The following RAD51AP2 variants were observed in gnomAD, a reference collection of about 807,000 sequenced individuals.
The protein encoded by RAD51AP2 is RAD51 associated protein 2, also known as RAD51-associated protein 2.
In RAD51AP2, 67 loss-of-function variants were observed where a neutral mutation model predicts 85.5. The ratio of observed to expected loss-of-function variants is 0.78; its 90% CI spans 0.64 to 0.96. The LOEUF (loss-of-function observed/expected upper bound fraction) is 0.96, where lower values mean the gene tolerates loss of function less well. Ranked by LOEUF, RAD51AP2 falls within the 40% of genes least tolerant of loss-of-function variation. RAD51AP2 has a pLI of 0.00. For synonymous variants in RAD51AP2, 474 were observed against 446.5 expected (o/e 1.06, Z -0.78); for missense variants, 1,307 against 1,332.4 (o/e 0.98, Z 0.30).
At chr2:17,528,296 AGT>A in the RAD51AP2 span, among the ~76,000 whole-genome samples, 1 of 152,188 alleles carries the variant, frequency 6.6e-6, no homozygotes, top group Non-Finnish European at 1.5e-5. Flanking sequence ...TAATATGGTA[AGT>A]GTTTATTTTG....
Position 17,516,203 on chromosome 2 carries a change from C to A in RAD51AP2, c.2213G>T (p.Cys738Phe). Residue 738 changes from cysteine to phenylalanine, a missense_variant, in exon 1 of 3, where the codon TGT (cysteine) becomes TTT (phenylalanine). Around this residue, in one of 3 missense-constraint regions of RAD51AP2, gnomAD observed 668 missense variants for 671.0 expected, o/e 1.00. Transcript: ENST00000399080. ...SSTVKAHGNS[C>F]PQFIQNNRGY... ...TCGGTTGTTCTGTATAAATTGAGGA[C>A]AAGAATTACCATGTGCTTTAACAGT... 2 of 1,613,204 alleles carry A rather than the reference C, an allele frequency of 1.2e-6. No homozygotes were observed. Among genetic ancestry groups the A allele is most frequent in the South Asian group, 1.1e-5 (1 of 91,036 alleles).
At chr2:17,520,693 A>G (rs1662839071), upstream of RAD51AP2, among the ~76,000 whole-genome samples, 1 of 152,194 alleles carries the variant, frequency 6.6e-6, no homozygotes, top group African/African-American at 2.4e-5. Context: ...TATCAAGTCT[A>G]ATGTCCTTAA....
upstream of RAD51AP2, among the ~76,000 whole-genome samples, chr2:17,522,051 A>G (rs893285570): frequency 9.9e-5 from 15 of 151,996 alleles, no homozygotes; most frequent in South Asian, 2.1e-4. Flanking sequence ...TCATTTTACT[A>G]GTCTCTTCTC....
At position 17,518,005 on chromosome 2, in the gene RAD51AP2, C is replaced by T; in HGVS notation, c.411G>A (p.Leu137=). Reference sequence around the variant, plus strand: ...GCACACTGAAAGCCTCTCTGTCATGCAGGCCTGCCTCAGACCTTCCTGAAG... The same window carrying T: ...GCACACTGAAAGCCTCTCTGTCATGTAGGCCTGCCTCAGACCTTCCTGAAG... The part of the protein sequence containing the change: ...LRASGRSEAG[L]HDREAFSVHR... The change falls in exon 1 of 3, where the codon CTG becomes CTA. Residue 137 remains leucine, a synonymous_variant. Transcript: ENST00000399080. The T allele has an allele frequency of 1.2e-6, 2 of 1,614,164 alleles. No homozygotes were observed. The highest frequency in any genetic ancestry group is 1.7e-6 in the Non-Finnish European group (2 of 1,180,014).
intron 1 of RAD51AP2, 88 bp downstream of exon 1, chr2:17,515,081 T>G: frequency 2.8e-6 from 3 of 1,067,366 alleles, no homozygotes; most frequent in Non-Finnish European, 4.0e-6. Flanking sequence ...CTTCCTTCTT[T>G]GTTGTCAAAA....
At chr2:17,514,455 A>T (rs957621287) in intron 1 of RAD51AP2, among the ~76,000 whole-genome samples, 1 of 151,926 alleles carries the variant, frequency 6.6e-6, no homozygotes, top group Non-Finnish European at 1.5e-5. Flanking sequence ...GGTTGATGAA[A>T]CAGGTGTAGA....
rs1662746546 is a variant in RAD51AP2, at chr2:17,518,001, C to T, written c.415G>A (p.Asp139Asn). 1 of 1,614,084 alleles carries T rather than the reference C, an allele frequency of 6.2e-7. No individual in the cohort carries two copies. The highest frequency in any genetic ancestry group is 8.5e-7 in the Non-Finnish European group (1 of 1,180,048). Residue 139 changes from aspartate to asparagine, a missense_variant, in exon 1 of 3, where the codon GAC becomes AAC. By Grantham distance (23) the Asp-to-Asn change is conservative. Around this residue, in one of 3 missense-constraint regions of RAD51AP2, gnomAD observed 635 missense variants for 643.6 expected, o/e 0.99. Coordinates refer to ENST00000399080, the MANE Select transcript of RAD51AP2 (RefSeq NM_001099218.3). ...CGGTGCACACTGAAAGCCTCTCTGT[C>T]ATGCAGGCCTGCCTCAGACCTTCCT... ...ASGRSEAGLH[D>N]REAFSVHRSN...
upstream of RAD51AP2, among the ~76,000 whole-genome samples, chr2:17,519,663 T>G (rs1662814732): frequency 6.6e-6 from 1 of 152,112 alleles, no homozygotes; most frequent in Admixed American, 6.5e-5. Context: ...TCTAGAGAAA[T>G]GTTTACTTAA....
At position 17,515,577 on chromosome 2, in the gene RAD51AP2, C is replaced by T. The variant is rs1177974569; in HGVS notation, c.2839G>A (p.Ala947Thr). Reference sequence around the variant, plus strand: ...GCTTCTGTTGATAAATATTTAGCAGCTAAGTCCTGAAAACATTCATCATTC... The same window carrying T: ...GCTTCTGTTGATAAATATTTAGCAGTTAAGTCCTGAAAACATTCATCATTC... ...EGNDECFQDLAAKYLSTEALT... is the reference protein window; with the variant it reads ...EGNDECFQDLTAKYLSTEALT... The change falls in exon 1 of 3, where the codon GCT (alanine) becomes ACT (threonine). Residue 947 changes from alanine to threonine, a missense_variant. By Grantham distance (58) the Ala-to-Thr change is moderately conservative. This residue lies in a region of RAD51AP2 where 668 missense variants were observed against 671.0 expected (regional missense o/e 1.00). Coordinates refer to ENST00000399080, the MANE Select transcript of RAD51AP2 (RefSeq NM_001099218.3). The T allele has an allele frequency of 6.2e-7, 1 of 1,609,286 alleles. No homozygotes were observed. Among genetic ancestry groups the T allele is most frequent in the Non-Finnish European group, 8.5e-7 (1 of 1,178,542 alleles).
chr2:17,517,404 T>G lies in RAD51AP2; in HGVS notation c.1012A>C (p.Asn338His). The G allele has an allele frequency of 1.2e-6, 2 of 1,613,808 alleles. No homozygotes were observed. Among genetic ancestry groups the G allele is most frequent in the Non-Finnish European group, 1.7e-6 (2 of 1,179,904 alleles). Residue 338 changes from asparagine to histidine, a missense_variant, in exon 1 of 3, where the codon AAT becomes CAT. By Grantham distance (68) the Asn-to-His change is moderately conservative. Coordinates refer to ENST00000399080, the MANE Select transcript of RAD51AP2 (RefSeq NM_001099218.3). The part of the protein sequence containing the change: ...ENDYPSLSSQ[N>H]TCKRKDLISS... ...ATCAAGTCTTTTCTCTTACAAGTAT[T>G]TTGGCTACTGAGTGATGGGTAGTCA...
At chr2:17,511,215 C>A (rs949247066) in intron 2 of RAD51AP2, among the ~76,000 whole-genome samples, 4 of 152,196 alleles carry the variant, frequency 2.6e-5, no homozygotes, top group Non-Finnish European at 4.4e-5. Context: ...TCCAATCAGG[C>A]AGTCTAACTT....
At position 17,515,356 on chromosome 2, in the gene RAD51AP2, A is replaced by G. The variant is rs1662621919; in HGVS notation, c.3060T>C (p.Val1020=). ...AAGATGCACGTATTTTGTTGACCAC[A>G]ACCATTTTCAAATCTTTTTCTATCT... The part of the protein sequence containing the change: ...KMEIEKDLKM[V]VVNKIRASSS... The change falls in exon 1 of 3, where the codon GTT becomes GTC. Residue 1020 remains valine (V), a synonymous_variant. Transcript: ENST00000399080. 6.2e-7 allele frequency: 1 copy of G among 1,611,860 alleles called. No homozygotes were observed. The highest frequency in any genetic ancestry group is 8.5e-7 in the Non-Finnish European group (1 of 1,179,398).
At chr2:17,513,885 T>C in intron 2 of RAD51AP2, 127 bp downstream of exon 2, 1 of 611,640 alleles carries the variant, frequency 1.6e-6, no homozygotes, top group Non-Finnish European at 2.9e-6. Context: ...ATATTAATGC[T>C]CTTAAAAGGT....
chr2:17,524,668 T>C, the RAD51AP2 span, among the ~76,000 whole-genome samples: 4 of 151,952 alleles, frequency 2.6e-5, no homozygotes, highest in African/African-American at 9.7e-5. Flanking sequence ...TCTCTTACAC[T>C]AAATTATTAG....
At position 17,510,857 on chromosome 2, in the gene RAD51AP2, G is replaced by A; in HGVS notation, c.3427C>T (p.Leu1143Phe). The A allele has an allele frequency of 1.2e-6, 2 of 1,605,928 alleles. No homozygotes were observed. The highest frequency in any genetic ancestry group is 1.7e-6 in the Non-Finnish European group (2 of 1,175,056). The change falls in exon 3 of 3, where the codon CTT becomes TTT. Residue 1143 changes from leucine (L) to phenylalanine (F), a missense_variant. Around this residue, in one of 3 missense-constraint regions of RAD51AP2, gnomAD observed 668 missense variants for 671.0 expected, o/e 1.00. Transcript: ENST00000399080. Reference sequence around the variant, plus strand: ...CACATTTGTTTCAGATAAGGATGAAGTTGTTTAATCCTTGCTTTTCTTGAC... The same window carrying A: ...CACATTTGTTTCAGATAAGGATGAAATTGTTTAATCCTTGCTTTTCTTGAC... ...GLSRKARIKQ[L>F]HPYLKQMCYG... is the part of the protein sequence containing the mutation.
intron 2 of RAD51AP2, among the ~76,000 whole-genome samples, chr2:17,512,799 C>G (rs547671433): frequency 6.6e-6 from 1 of 152,194 alleles, no homozygotes; most frequent in African/African-American, 2.4e-5. Flanking sequence ...TTACTTCCTT[C>G]ATCCCGGGGA....
the RAD51AP2 span, among the ~76,000 whole-genome samples, chr2:17,532,553 G>A: frequency 1.3e-5 from 2 of 151,924 alleles, no homozygotes; most frequent in Non-Finnish European, 2.9e-5. Flanking sequence ...AAATCCAATT[G>A]GTCTAGCGAG....
chr2:17,516,616 A>G lies in RAD51AP2; in HGVS notation c.1800T>C (p.Asp600=). 6.4e-7 allele frequency: 1 copy of G among 1,574,562 alleles called. No individual in the cohort carries two copies. Among genetic ancestry groups the G allele is most frequent in the Non-Finnish European group, 8.6e-7 (1 of 1,164,380 alleles). ...AAATGCATTCCTCTTCTAATTCAAA[A>G]TCATTTTCAATTCTTGTTAAAGAGT... The part of the protein sequence containing the change: ...NFDSLTRIEN[D]FELEEECIFK... Residue 600 remains aspartate (D), a synonymous_variant, in exon 1 of 3, where the codon GAT becomes GAC. Coordinates refer to ENST00000399080, the MANE Select transcript of RAD51AP2 (RefSeq NM_001099218.3).
chr2:17,510,695 C>T lies in RAD51AP2; in HGVS notation c.*109G>A. 1 of 539,956 alleles carries T rather than the reference C, an allele frequency of 1.9e-6. No individual in the cohort carries two copies. The highest frequency in any genetic ancestry group is 2.9e-6 in the Non-Finnish European group (1 of 340,018). 33.4% of individuals were successfully genotyped at this position (539,956 alleles called of 1,614,324 possible). A position where few individuals can be genotyped will look rare whatever the true frequency, so the allele number is the denominator to read the frequency against. On this transcript the variant is annotated 3_prime_UTR_variant, in exon 3 of 3. Coordinates refer to ENST00000399080, the MANE Select transcript of RAD51AP2 (RefSeq NM_001099218.3). ...TAATTTATACACTCAAAAAAAAAAA[C>T]TTCTCCACTTTATAATAAAGCAAGC...
Sources: gnomAD v4.1 joint callset for allele counts (sites outside exome capture counted in the v4.1 genomes callset) on GRCh38, gnomAD v4.1.1 for gene constraint, gnomAD v4.1.1 regional missense constraint, MANE v1.5 for transcripts, NCBI Gene and HGNC (gene_info 2026-07-23, HGNC 2026-07-21) for gene names.